GRID2: variants seen among roughly 807,000 people sequenced by gnomAD.
GRID2 encodes the protein glutamate receptor ionotropic, delta-2.
GRID2 carries 33 observed loss-of-function variants against 114.8 expected under a neutral mutation model. The observed-to-expected ratio is 0.29, with a 90% CI of 0.22 to 0.38. The LOEUF is 0.38. Ranked by LOEUF, GRID2 falls within the 10% of genes least tolerant of loss-of-function variation. The pLI is 1.00. For synonymous variants in GRID2, 505 were observed against 449.9 expected (o/e 1.12, Z -1.55); for missense variants, 1,184 against 1,257.7 (o/e 0.94, Z 0.89).
At chr4:93,700,848 A>C (rs1578606234) in intron 14 of GRID2, among the ~76,000 whole-genome samples, 2 of 152,124 alleles carry the variant, frequency 1.3e-5, no homozygotes, top group East Asian at 3.9e-4. Flanking sequence ...GCCATAATGA[A>C]TCTGTTTTAT....
At chr4:93,140,434 A>C (rs1735670842) in intron 4 of GRID2, among the ~76,000 whole-genome samples, 1 of 152,112 alleles carries the variant, frequency 6.6e-6, no homozygotes, top group Non-Finnish European at 1.5e-5. Flanking sequence ...CTGGGATTAC[A>C]GGCGTGAGCC....
intron 4 of GRID2, among the ~76,000 whole-genome samples, chr4:93,131,914 C>T (rs953727504): frequency 2.0e-5 from 3 of 152,040 alleles, no homozygotes; most frequent in Admixed American, 6.6e-5. Flanking sequence ...TTGCTTAAAC[C>T]GGGTCTCCTA....
intron 2 of GRID2, among the ~76,000 whole-genome samples, chr4:92,949,132 A>ATGTGTG (rs112763953): frequency 1.3e-5 from 2 of 149,310 alleles, no homozygotes; most frequent in African/African-American, 4.9e-5. Flanking sequence ...GACAAAGAAA[A>ATGTGTG]TGTGTGTGTG....
chr4:92,728,738 A>G (rs1042232029), intron 2 of GRID2, among the ~76,000 whole-genome samples: 7 of 151,918 alleles, frequency 4.6e-5, no homozygotes, highest in Non-Finnish European at 8.8e-5. Flanking sequence ...AGTCCAAGAA[A>G]ACAAAGCAAG....
intron 1 of GRID2, among the ~76,000 whole-genome samples, chr4:92,520,415 A>G (rs1381080179): frequency 6.6e-6 from 1 of 151,800 alleles, no homozygotes; most frequent in Non-Finnish European, 1.5e-5. Context: ...GACAGTCCTC[A>G]TTTTTGTAAC....
intron 2 of GRID2, among the ~76,000 whole-genome samples, chr4:92,911,182 T>C (rs1046409624): frequency 6.6e-6 from 1 of 152,044 alleles, no homozygotes; most frequent in South Asian, 2.1e-4. Flanking sequence ...GCTAACTAGA[T>C]GAAGTATTCA....
At chr4:93,603,804 GCAA>G (rs1462945495) in intron 13 of GRID2, among the ~76,000 whole-genome samples, 4 of 152,200 alleles carry the variant, frequency 2.6e-5, no homozygotes, top group Non-Finnish European at 2.9e-5. Flanking sequence ...TTCTATAAAT[GCAA>G]CAACAAAGTC....
intron 8 of GRID2, chr4:93,258,871 A>T: frequency 2.2e-6 from 1 of 453,866 alleles, no homozygotes; most frequent in South Asian, 1.6e-5. Context: ...AGATTCATTT[A>T]TTATCCTCTC....
intron 2 of GRID2, among the ~76,000 whole-genome samples, chr4:92,957,338 A>C (rs565823912): frequency 1.6e-3 from 245 of 152,094 alleles, no homozygotes; most frequent in African/African-American, 5.8e-3. Context: ...TAAAAGGTGT[A>C]AGGTTTATGT....
At chr4:93,437,449 A>G (rs757598373) in intron 10 of GRID2, among the ~76,000 whole-genome samples, 14 of 152,062 alleles carry the variant, frequency 9.2e-5, no homozygotes, top group Non-Finnish European at 1.9e-4. Context: ...GAAAAACAAT[A>G]CTCAAACAGT....
In GRID2 at chr4:93,262,305, C is replaced by A. The variant is rs565795367; in HGVS notation, c.1245+23815C>A. 9.9e-5 allele frequency among the ~76,000 whole-genome samples: 15 copies of A among 152,034 alleles called. 1 individual carries two copies. In the South Asian group the frequency reaches 3.1e-3, roughly 31 times the overall value. ...GCAGTGCCTCACATAGGACTTCACT[C>A]TCTTCAACAGCTTCTGTAAACCAAA... On this transcript the variant is annotated intron_variant, in intron 8 of 15. Transcript: ENST00000282020.
At chr4:93,616,622 A>G (rs1741683689) in intron 13 of GRID2, among the ~76,000 whole-genome samples, 1 of 138,388 alleles carries the variant, frequency 7.2e-6, no homozygotes, top group Admixed American at 7.0e-5. Context: ...TATAAAATAA[A>G]TATAAAAAAA....
chr4:92,931,447 C>T (rs767248665), intron 2 of GRID2, among the ~76,000 whole-genome samples: 1 of 150,742 alleles, frequency 6.6e-6, no homozygotes, highest in African/African-American at 2.4e-5. Context: ...TACTCCTGTA[C>T]TCAACATTGC....
intron 1 of GRID2, among the ~76,000 whole-genome samples, chr4:92,399,851 C>G (rs544047792): frequency 6.6e-6 from 1 of 151,950 alleles, no homozygotes; most frequent in African/African-American, 2.4e-5. Context: ...TGAATAAATA[C>G]ATAGTTACAG....
At chr4:92,978,948 A>G (rs971877200) in intron 2 of GRID2, among the ~76,000 whole-genome samples, 1 of 152,112 alleles carries the variant, frequency 6.6e-6, no homozygotes, top group African/African-American at 2.4e-5. Context: ...ACTTGAGCTC[A>G]GGAGTTTGAG....
chr4:93,094,228 C>T (rs1279677991), intron 3 of GRID2, among the ~76,000 whole-genome samples: 2 of 152,020 alleles, frequency 1.3e-5, no homozygotes, highest in African/African-American at 4.8e-5. Context: ...TGAATTTATA[C>T]TTCATGACTT....
chr4:93,031,529 TA>T (rs1159889024), intron 2 of GRID2, among the ~76,000 whole-genome samples: 4 of 152,128 alleles, frequency 2.6e-5, no homozygotes, highest in African/African-American at 9.7e-5. Context: ...CCATAATTCC[TA>T]TGTGTCGTGG....
chr4:93,300,673 G>A (rs564894822), intron 8 of GRID2, among the ~76,000 whole-genome samples: 4 of 152,278 alleles, frequency 2.6e-5, no homozygotes, highest in East Asian at 1.9e-4. Context: ...GTAGCAGGAC[G>A]AGCCGCAGAC....
chr4:92,818,301 T>C lies in GRID2; in HGVS notation c.244+228015T>C, dbSNP rs1429506308. Among the ~76,000 whole-genome samples, 5 of 152,266 alleles carry C rather than the reference T, an allele frequency of 3.3e-5. No individual in the cohort carries two copies. The East Asian group carries it at 7.7e-4, about 24-fold the overall frequency. On this transcript the variant is annotated intron_variant, in intron 2 of 15. Coordinates refer to ENST00000282020, the MANE Select transcript of GRID2 (RefSeq NM_001510.4). ...GAATGAATGAATAATACAGATTCCTTCTTTTTTTTGTATTCAACTTCACCC... is the reference window on the plus strand; with the variant it reads ...GAATGAATGAATAATACAGATTCCTCCTTTTTTTTGTATTCAACTTCACCC...
Sources: allele counts gnomAD v4.1 joint callset (sites outside exome capture counted in the v4.1 genomes callset), GRCh38; gene constraint gnomAD v4.1.1; transcripts MANE v1.5; gene names NCBI Gene and HGNC (gene_info 2026-07-23, HGNC 2026-07-21).